Variants in PARVA observed in about 807,000 individuals in gnomAD.
PARVA encodes parvin alpha, also known as alpha-parvin.
In PARVA, 25 loss-of-function variants were observed where a neutral mutation model predicts 52.6. That is an observed-to-expected ratio of 0.48 (90% CI 0.35 to 0.66). The LOEUF (loss-of-function observed/expected upper bound fraction) is 0.66, where lower values mean the gene tolerates loss of function less well. Ranked by LOEUF, PARVA falls within the 30% of genes least tolerant of loss-of-function variation. The pLI is 0.01. For synonymous variants in PARVA, 185 were observed against 179.1 expected, an observed-to-expected ratio of 1.03 and a Z score of -0.26; for missense variants, 373 against 450.9, an observed-to-expected ratio of 0.83 and a Z score of 1.56.
At chr11:12,423,351 GTTTTT>G (rs869105706) in intron 1 of PARVA, among the ~76,000 whole-genome samples, 1 of 104,714 alleles carries the variant, frequency 9.5e-6, no homozygotes. Flanking sequence ...GCTAATTTTT[GTTTTT>G]TTTTTTTTTT....
At chr11:12,439,708 A>C (rs115608355) in intron 1 of PARVA, among the ~76,000 whole-genome samples, 1,809 of 151,650 alleles carry the variant, frequency 0.012, 38 homozygotes, top group African/African-American at 0.041. Flanking sequence ...CTCCCACCCC[A>C]CTTCCTATCC....
At chr11:12,414,724 A>G (rs758849492) in intron 1 of PARVA, among the ~76,000 whole-genome samples, 14 of 151,816 alleles carry the variant, frequency 9.2e-5, no homozygotes, top group Non-Finnish European at 1.8e-4. Flanking sequence ...TTGTTTTCAT[A>G]TGAAGTGAAA....
intron 1 of PARVA, among the ~76,000 whole-genome samples, chr11:12,452,449 C>T (rs1341019852): frequency 6.6e-6 from 1 of 152,136 alleles, no homozygotes; most frequent in Admixed American, 6.5e-5. Context: ...GCTCTCCCCA[C>T]AACAACTGAG....
intron 1 of PARVA, among the ~76,000 whole-genome samples, chr11:12,443,422 G>A (rs1940498412): frequency 6.6e-6 from 1 of 151,794 alleles, no homozygotes; most frequent in Non-Finnish European, 1.5e-5. Context: ...CGCCCACCTT[G>A]GCCTCCCAAA....
chr11:12,382,200 G>A (rs538072343), intron 1 of PARVA, among the ~76,000 whole-genome samples: 3 of 152,090 alleles, frequency 2.0e-5, no homozygotes, highest in Admixed American at 6.5e-5. Context: ...TAATCTTTAC[G>A]TTTACATTTC....
At chr11:12,494,125 A>C (rs538128494) in intron 4 of PARVA, among the ~76,000 whole-genome samples, 12 of 152,378 alleles carry the variant, frequency 7.9e-5, no homozygotes, top group Admixed American at 4.6e-4. Flanking sequence ...AGAGATGCAT[A>C]GGGCATGGTT....
intron 1 of PARVA, among the ~76,000 whole-genome samples, chr11:12,459,128 A>G (rs1284777881): frequency 6.6e-6 from 1 of 152,160 alleles, no homozygotes; most frequent in Non-Finnish European, 1.5e-5. Context: ...TGAAAGAGAA[A>G]GGATATAGCC....
intron 8 of PARVA, among the ~76,000 whole-genome samples, chr11:12,511,805 A>G (rs914400121): frequency 6.6e-6 from 1 of 152,204 alleles, no homozygotes; most frequent in Non-Finnish European, 1.5e-5. Context: ...CAGTAAACAC[A>G]TGAAGCCACG....
intron 1 of PARVA, among the ~76,000 whole-genome samples, chr11:12,463,097 T>G (rs1940806403): frequency 6.6e-6 from 1 of 151,844 alleles, no homozygotes; most frequent in South Asian, 2.1e-4. Context: ...GAGTACAGAG[T>G]TTTCGTATAT....
upstream of PARVA, chr11:12,377,467 C>T: frequency 2.1e-6 from 3 of 1,403,744 alleles, no homozygotes; most frequent in Middle Eastern, 1.9e-4. Context: ...CAGAGGGCGG[C>T]GCGAGGGAGG....
intron 1 of PARVA, among the ~76,000 whole-genome samples, chr11:12,406,292 G>C (rs1041934912): frequency 2.6e-5 from 4 of 152,134 alleles, no homozygotes; most frequent in Non-Finnish European, 4.4e-5. Flanking sequence ...TTATTCTTAA[G>C]GCTTTTGACT....
At chr11:12,486,551 TAAAATA>T (rs1941161341) in intron 4 of PARVA, among the ~76,000 whole-genome samples, 1 of 148,168 alleles carries the variant, frequency 6.7e-6, no homozygotes, top group African/African-American at 2.5e-5. Context: ...AAAATAAAAA[TAAAATA>T]AAATAAAGCT....
chr11:12,405,555 C>A (rs1166668995), intron 1 of PARVA, among the ~76,000 whole-genome samples: 2 of 151,778 alleles, frequency 1.3e-5, no homozygotes, highest in Non-Finnish European at 2.9e-5. Flanking sequence ...CAGAGTGAGA[C>A]CCTGTCTCAA....
intron 4 of PARVA, among the ~76,000 whole-genome samples, chr11:12,490,616 G>T (rs1231250277): frequency 1.3e-5 from 2 of 151,496 alleles, no homozygotes; most frequent in African/African-American, 4.8e-5. Flanking sequence ...AATTTCTCAA[G>T]AATGTAAAAT....
chr11:12,495,621 CT>C (rs113219639), intron 4 of PARVA, among the ~76,000 whole-genome samples: 1 of 150,290 alleles, frequency 6.7e-6, no homozygotes, highest in African/African-American at 2.5e-5. Context: ...TGAGTTTTTC[CT>C]TTTTTTTAAG....
At chr11:12,463,940 C>T (rs1940818820) in intron 1 of PARVA, among the ~76,000 whole-genome samples, 1 of 148,204 alleles carries the variant, frequency 6.7e-6, no homozygotes, top group African/African-American at 2.5e-5. Flanking sequence ...TTGGCCAGCT[C>T]TTTCAATCAG....
intron 8 of PARVA, among the ~76,000 whole-genome samples, chr11:12,512,834 G>A (rs1042599859): frequency 2.0e-5 from 3 of 152,114 alleles, no homozygotes; most frequent in African/African-American, 4.8e-5. Context: ...ATCCCATCCT[G>A]GAGCTCCCTG....
intron 1 of PARVA, among the ~76,000 whole-genome samples, chr11:12,427,741 C>T (rs1554894967): frequency 1.3e-5 from 2 of 152,178 alleles, no homozygotes; most frequent in Non-Finnish European, 2.9e-5. Context: ...AAGTTGTAAG[C>T]TTTAGGTAAA....
chr11:12,455,517 T>G (rs940981801), intron 1 of PARVA, among the ~76,000 whole-genome samples: 1 of 152,274 alleles, frequency 6.6e-6, no homozygotes, highest in East Asian at 1.9e-4. Flanking sequence ...TCCTTATTGA[T>G]GCTCAAATTT....
Sources: allele counts gnomAD v4.1 joint callset (sites outside exome capture counted in the v4.1 genomes callset), GRCh38; gene constraint gnomAD v4.1.1; transcripts MANE v1.5; gene names NCBI Gene and HGNC (gene_info 2026-07-23, HGNC 2026-07-21).